MYO3A: variants seen among roughly 807,000 people sequenced by gnomAD.
MYO3A encodes the protein myosin IIIA, also known as myosin-IIIa.
Under a neutral mutation model 192.7 loss-of-function variants are expected in MYO3A, and 180 were observed. The observed-to-expected ratio is 0.93, with a 90% CI of 0.83 to 1.06. MYO3A has a LOEUF of 1.06. MYO3A is among the 50% of genes least tolerant of loss of function. The probability of loss-of-function intolerance (pLI) is 0.00; values close to 1 mark genes in which losing one functional copy is unlikely to be tolerated. For missense variants in MYO3A, 1,896 were observed against 1,905.0 expected (o/e 1.00, Z 0.09); for synonymous variants, 628 against 645.3 (o/e 0.97, Z 0.41).
In MYO3A at chr10:26,170,491, A is replaced by G. The variant is rs773671403; in HGVS notation, c.3350A>G (p.Gln1117Arg). ...DMKNTAVTTIQTSDQEFDYKK... is the reference protein window; with the variant it reads ...DMKNTAVTTIRTSDQEFDYKK... ...AAAAACACAGCAGTAACAACCATTC[A>G]AACTTCTGATCAGGAATTCGACTAC... is the stretch of plus-strand genomic sequence containing the variant. Residue 1117 changes from glutamine (Q) to arginine (R), a missense_variant, in exon 29 of 35, where the codon CAA becomes CGA. Coordinates refer to ENST00000642920, the MANE Select transcript of MYO3A (RefSeq NM_017433.5). 1 of 1,613,326 alleles carries G rather than the reference A, an allele frequency of 6.2e-7. No individual in the cohort carries two copies. Among genetic ancestry groups the G allele is most frequent in the Admixed American group, 1.7e-5 (1 of 60,008 alleles).
intron 4 of MYO3A, 100 bp from the exon 5 acceptor site, chr10:25,996,390 A>G: frequency 1.1e-6 from 1 of 886,608 alleles, no homozygotes. Context: ...TTTGAAAGAG[A>G]ACATTGGAAC....
At chr10:25,970,210 C>T (rs1838538790) in intron 4 of MYO3A, among the ~76,000 whole-genome samples, 1 of 151,754 alleles carries the variant, frequency 6.6e-6, no homozygotes, top group Admixed American at 6.6e-5. Context: ...AGACAAATAT[C>T]AACAAGTTTA....
intron 17 of MYO3A, among the ~76,000 whole-genome samples, chr10:26,118,794 G>A (rs1018479791): frequency 6.6e-5 from 10 of 152,018 alleles, no homozygotes; most frequent in East Asian, 5.8e-4. Context: ...ACCACGCCCC[G>A]CTAATTTTTG....
Position 26,174,025 on chromosome 10 carries a change from A to C in MYO3A, c.3761A>C (p.Lys1254Thr). ...GAGGAGAGGAATTGTGAAGAGTCAA[A>C]AGCAGCATATCTAGAAAGGAAGGCC... ...YTEERNCEES[K>T]AAYLERKAIS... Residue 1254 changes from lysine (K) to threonine (T), a missense_variant, in exon 30 of 35, where the codon AAA becomes ACA. By Grantham distance (78) the Lys-to-Thr change is moderately conservative. Coordinates refer to ENST00000642920, the MANE Select transcript of MYO3A (RefSeq NM_017433.5). 6.2e-7 allele frequency: 1 copy of C among 1,612,918 alleles called. No individual in the cohort carries two copies.
intron 34 of MYO3A, among the ~76,000 whole-genome samples, chr10:26,205,985 A>G (rs896247976): frequency 2.0e-5 from 3 of 151,572 alleles, no homozygotes; most frequent in Admixed American, 6.6e-5. Context: ...TTCATTATCC[A>G]TTCATCCATT....
At chr10:26,118,470 C>CA (rs1838654638) in intron 17 of MYO3A, among the ~76,000 whole-genome samples, 1 of 152,194 alleles carries the variant, frequency 6.6e-6, no homozygotes, top group African/African-American at 2.4e-5. Context: ...TGTTATCTCT[C>CA]ACCTAGACCA....
At chr10:26,041,342 TTGTTGTTGC>T (rs1843336134) in intron 10 of MYO3A, among the ~76,000 whole-genome samples, 1 of 151,454 alleles carries the variant, frequency 6.6e-6, no homozygotes, top group Non-Finnish European at 1.5e-5. Context: ...TGGGTTTTTG[TTGTTGTTGC>T]TGTTGTTGTT....
intron 7 of MYO3A, among the ~76,000 whole-genome samples, chr10:26,017,883 T>G (rs7914935): frequency 0.44 from 66,652 of 150,842 alleles, 15,619 homozygotes; most frequent in East Asian, 0.62. Context: ...TGTTCTGATA[T>G]ATTACTAGTG....
At chr10:26,058,843 A>T (rs1334842224) in intron 10 of MYO3A, among the ~76,000 whole-genome samples, 2 of 152,168 alleles carry the variant, frequency 1.3e-5, no homozygotes, top group Admixed American at 1.3e-4. Context: ...TGAACATAGA[A>T]TATCTTTCCA....
chr10:26,074,312 T>G (rs1588904999), intron 14 of MYO3A, among the ~76,000 whole-genome samples: 1 of 152,048 alleles, frequency 6.6e-6, no homozygotes, highest in East Asian at 1.9e-4. Context: ...CCTTATGCAT[T>G]TGGAATTTAT....
At position 25,997,043 on chromosome 10, in the gene MYO3A, G is replaced by A. The variant is rs560391265; in HGVS notation, c.409-116G>A. The A allele has an allele frequency of 1.8e-4, 135 of 761,146 alleles. 2 individuals carry two copies. In the African/African-American group the frequency reaches 1.9e-3, roughly 11 times the overall value. 47.1% of individuals were successfully genotyped at this position (761,146 alleles called of 1,614,324 possible). A position where few individuals can be genotyped will look rare whatever the true frequency, so the allele number is the denominator to read the frequency against. On this transcript the variant is annotated intron_variant, in intron 5 of 34. Transcript: ENST00000642920. ...CTAACTCAATGTGAAACATTTGAGT[G>A]TCTGAATGTTAATTTTATTATGTGT...
intron 31 of MYO3A, among the ~76,000 whole-genome samples, chr10:26,184,573 C>G (rs1270780125): frequency 1.3e-5 from 2 of 152,182 alleles, no homozygotes; most frequent in East Asian, 3.9e-4. Flanking sequence ...TCAATTTTCC[C>G]TGGCAATGAG....
At chr10:26,200,475 T>A (rs1342186168) in intron 32 of MYO3A, among the ~76,000 whole-genome samples, 1 of 152,188 alleles carries the variant, frequency 6.6e-6, no homozygotes, top group East Asian at 1.9e-4. Flanking sequence ...ACAAATACGC[T>A]GTGGCAACAT....
intron 17 of MYO3A, among the ~76,000 whole-genome samples, chr10:26,115,204 C>T (rs1162904648): frequency 6.6e-6 from 1 of 152,170 alleles, no homozygotes; most frequent in East Asian, 1.9e-4. Context: ...CTAGAAAAGT[C>T]ACTCTGACAG....
chr10:26,193,825 A>G (rs576312033), intron 32 of MYO3A, among the ~76,000 whole-genome samples: 12 of 152,318 alleles, frequency 7.9e-5, no homozygotes, highest in African/African-American at 2.9e-4. Context: ...ATTCTGAGAC[A>G]CAGATAAGCA....
chr10:26,032,548 G>A (rs1009712708), intron 10 of MYO3A, among the ~76,000 whole-genome samples: 5 of 152,004 alleles, frequency 3.3e-5, no homozygotes, highest in African/African-American at 9.6e-5. Context: ...CCAGGGAGGC[G>A]GAGGTTGCAG....
At chr10:26,159,531 C>CA (rs1439740038) in intron 26 of MYO3A, among the ~76,000 whole-genome samples, 1 of 150,906 alleles carries the variant, frequency 6.6e-6, no homozygotes, top group Non-Finnish European at 1.5e-5. Flanking sequence ...AGGTGCCCAC[C>CA]ACCACGCCCG....
chr10:26,195,605 A>C (rs1338065712), intron 32 of MYO3A, among the ~76,000 whole-genome samples: 1 of 151,888 alleles, frequency 6.6e-6, no homozygotes, highest in Non-Finnish European at 1.5e-5. Flanking sequence ...CACCCCTCCA[A>C]ACTCTCCACT....
intron 4 of MYO3A, among the ~76,000 whole-genome samples, chr10:25,967,066 G>A (rs902858514): frequency 6.6e-6 from 1 of 152,176 alleles, no homozygotes; most frequent in Admixed American, 6.5e-5. Flanking sequence ...CTGCACTGAA[G>A]AAATTGGAAA....
Sources: allele counts gnomAD v4.1 joint callset (sites outside exome capture counted in the v4.1 genomes callset), GRCh38; gene constraint gnomAD v4.1.1; transcripts MANE v1.5; gene names NCBI Gene and HGNC (gene_info 2026-07-23, HGNC 2026-07-21).